The following MATR3 variants were observed in gnomAD, a reference collection of about 807,000 sequenced individuals.
MATR3 encodes matrin 3.
MATR3 carries 4 observed loss-of-function variants against 85.5 expected under a neutral mutation model. The ratio of observed to expected loss-of-function variants is 0.05; its 90% CI spans 0.02 to 0.11. The LOEUF (loss-of-function observed/expected upper bound fraction) is 0.11. Among genes scored for constraint, MATR3 ranks in the 10% least tolerant of loss-of-function variants. The pLI, the probability that MATR3 is intolerant of heterozygous loss-of-function variation, is 1.00. For missense variants in MATR3, 685 were observed against 1,016.1 expected, an observed-to-expected ratio of 0.67 and a Z score of 4.43; for synonymous variants, 336 against 343.1, an observed-to-expected ratio of 0.98 and a Z score of 0.23.
In MATR3 at chr5:139,295,916, C is replaced by T. The variant is rs142542927; in HGVS notation, c.-178+2111C>T. ...ACGGCTCACAGCAGCCTCGACCTCC[C>T]AGGCTTAAGTAATCCTCCCACCTCA... On this transcript the variant is annotated intron_variant, in intron 1 of 14. Transcript: ENST00000394805. Among the ~76,000 whole-genome samples the T allele has an allele frequency of 6.1e-3, 933 of 152,222 alleles. 9 individuals are homozygous for T. Among genetic ancestry groups the T allele is most frequent in the African/African-American group, 0.021 (889 of 41,530 alleles).
At chr5:139,325,378 G>A (rs1415630075) in intron 12 of MATR3, 62 bp from the exon 13 acceptor site, 14 of 1,590,974 alleles carry the variant, frequency 8.8e-6, no homozygotes, top group Middle Eastern at 1.7e-4. Flanking sequence ...CAGAAACTTC[G>A]TAAATCGGGC....
chr5:139,309,954 T>C (rs906913485), intron 2 of MATR3: 2 of 152,192 alleles, frequency 1.3e-5, no homozygotes, highest in Non-Finnish European at 2.9e-5. Flanking sequence ...GGAAAATAGA[T>C]AGTTACAAGT....
chr5:139,286,925 T>C (rs1011357847), intron 3 of MATR3, among the ~76,000 whole-genome samples: 9 of 152,216 alleles, frequency 5.9e-5, no homozygotes, highest in African/African-American at 2.2e-4. Context: ...TCTATTCTGC[T>C]AGACTCCTGA....
chr5:139,316,456 G>T (rs927937621), intron 5 of MATR3, among the ~76,000 whole-genome samples: 1 of 152,006 alleles, frequency 6.6e-6, no homozygotes, highest in South Asian at 2.1e-4. Flanking sequence ...GCGTTGGCCA[G>T]ACTAGTCTCG....
chr5:139,279,153 G>C (rs1461116198), intron 3 of MATR3: 13 of 453,936 alleles, frequency 2.9e-5, no homozygotes, highest in Admixed American at 2.6e-4. Context: ...TTGTCATGTA[G>C]GTCCCAATTA....
At chr5:139,286,843 C>CAA (rs72412077) in intron 3 of MATR3, among the ~76,000 whole-genome samples, 2 of 135,288 alleles carry the variant, frequency 1.5e-5, no homozygotes, top group Admixed American at 7.2e-5. Context: ...GACTCCGTCT[C>CAA]AAAAAAAAAA....
chr5:139,326,077 C>T, intron 13 of MATR3, 86 bp from the exon 14 acceptor site: 3 of 1,198,394 alleles, frequency 2.5e-6, no homozygotes, highest in Non-Finnish European at 3.6e-6. Flanking sequence ...CATGTTGTTT[C>T]ATTTAAATTA....
At chr5:139,319,860 C>CTTTTTTTT (rs58123057) in intron 9 of MATR3, among the ~76,000 whole-genome samples, 5 of 44,162 alleles carry the variant, frequency 1.1e-4, no homozygotes, top group African/African-American at 3.1e-4. Flanking sequence ...AAAAAATTTG[C>CTTTTTTTT]TTTTTTTTTT....
At chr5:139,312,608 C>G (rs1268635199) in intron 2 of MATR3, 2 of 152,144 alleles carry the variant, frequency 1.3e-5, no homozygotes, top group African/African-American at 4.8e-5. Flanking sequence ...AAGGAAGGTA[C>G]CATTCTATTT....
At chr5:139,313,838 CTG>C (rs1352165441) in intron 2 of MATR3, 1 of 152,168 alleles carries the variant, frequency 6.6e-6, no homozygotes, top group African/African-American at 2.4e-5. Context: ...TTTTCATTCA[CTG>C]TGTATTTAGT....
chr5:139,323,732 A>G (rs1755698252), intron 12 of MATR3, among the ~76,000 whole-genome samples: 1 of 152,172 alleles, frequency 6.6e-6, no homozygotes, highest in Non-Finnish European at 1.5e-5. Context: ...CGTCTCTACT[A>G]AAAATATGAA....
intron 6 of MATR3, among the ~76,000 whole-genome samples, 156 bp from the exon 7 acceptor site, chr5:139,317,440 G>T (rs185853996): frequency 1.2e-4 from 18 of 152,150 alleles, no homozygotes; most frequent in Non-Finnish European, 2.5e-4. Flanking sequence ...ACCCAGTGAC[G>T]TTTGATATGT....
At chr5:139,275,584 T>C (rs1753246587) in intron 1 of MATR3, among the ~76,000 whole-genome samples, 1 of 152,214 alleles carries the variant, frequency 6.6e-6, no homozygotes. Context: ...GACATTATCC[T>C]GAGGATTAGC....
rs763591156 is a variant in MATR3, at chr5:139,308,113, ATTC to A, written c.701_703del (p.Ser234del). On this transcript the variant is annotated inframe_deletion, in exon 2 of 15. Coordinates refer to ENST00000394805, the MANE Select transcript of MATR3 (RefSeq NM_018834.6). ...AGAGATGGAGAAAGGTGTAGGGATGATTCTTTTTTTGGTGAGACCTCGCATAAC... is the reference window on the plus strand; with the variant it reads ...AGAGATGGAGAAAGGTGTAGGGATGATTTTTTTGGTGAGACCTCGCATAAC... 1 of 1,614,008 alleles carries A rather than the reference ATTC, an allele frequency of 6.2e-7. No homozygotes were observed. Among genetic ancestry groups the A allele is most frequent in the East Asian group, 2.2e-5 (1 of 44,862 alleles).
Position 139,322,460 on chromosome 5 carries a change from T to A in MATR3, c.1735-3T>A, listed in dbSNP as rs778361904. 1 of 1,594,482 alleles carries A rather than the reference T, an allele frequency of 6.3e-7. No individual in the cohort carries two copies. The highest frequency in any genetic ancestry group is 8.6e-7 in the Non-Finnish European group (1 of 1,162,764). ...TAACTTCTGCAAAACTTTTGTCTTTTAGATTCCAAACAGAGGCATTGATTT... is the reference window on the plus strand; with the variant it reads ...TAACTTCTGCAAAACTTTTGTCTTTAAGATTCCAAACAGAGGCATTGATTT... On this transcript the variant is annotated splice_polypyrimidine_tract_variant and splice_region_variant and intron_variant, in intron 10 of 14. Coordinates refer to ENST00000394805, the MANE Select transcript of MATR3 (RefSeq NM_018834.6).
At chr5:139,320,914 A>ATTTTTTTTTTTTTT (rs5871694) in intron 9 of MATR3, among the ~76,000 whole-genome samples, 1 of 118,238 alleles carries the variant, frequency 8.5e-6, no homozygotes, top group Non-Finnish European at 1.8e-5. Context: ...CGCCTGGCTA[A>ATTTTTTTTTTTTTT]TTTTTTTTTT....
At chr5:139,301,189 C>T (rs1358165943) in intron 1 of MATR3, among the ~76,000 whole-genome samples, 1 of 152,124 alleles carries the variant, frequency 6.6e-6, no homozygotes, top group Non-Finnish European at 1.5e-5. Flanking sequence ...GGCTCAAGGT[C>T]ACACAGCTGT....
intron 11 of MATR3, 44 bp downstream of exon 11, chr5:139,322,550 T>C: frequency 6.4e-7 from 1 of 1,567,302 alleles, no homozygotes; most frequent in Non-Finnish European, 8.7e-7. Context: ...TATTCAACTT[T>C]ACTTTTTCAG....
At chr5:139,302,850 G>T (rs1472813311) in intron 1 of MATR3, among the ~76,000 whole-genome samples, 1 of 152,166 alleles carries the variant, frequency 6.6e-6, no homozygotes, top group African/African-American at 2.4e-5. Context: ...AGAACATTTG[G>T]AAAATCTGAG....
Sources: gnomAD v4.1 joint callset for allele counts (sites outside exome capture counted in the v4.1 genomes callset) on GRCh38, gnomAD v4.1.1 for gene constraint, MANE v1.5 for transcripts, NCBI Gene and HGNC (gene_info 2026-07-23, HGNC 2026-07-21) for gene names.